EPB41: variants seen among roughly 807,000 people sequenced by gnomAD.
EPB41 encodes the protein protein 4.1.
In EPB41, 65 loss-of-function variants were observed where a neutral mutation model predicts 108.0. That is an observed-to-expected ratio of 0.60 (90% confidence interval 0.49 to 0.74). EPB41 has a LOEUF of 0.74. EPB41 is among the 30% of genes least tolerant of loss of function. The probability of loss-of-function intolerance (pLI) is 0.00; values close to 1 mark genes in which losing one functional copy is unlikely to be tolerated. For missense variants in EPB41, 875 were observed against 1,037.0 expected, an observed-to-expected ratio of 0.84 and a Z score of 2.15; for synonymous variants, 336 against 358.9, an observed-to-expected ratio of 0.94 and a Z score of 0.72.
intron 1 of EPB41, among the ~76,000 whole-genome samples, chr1:28,967,964 C>G (rs2095404018): frequency 6.6e-6 from 1 of 152,092 alleles, no homozygotes; most frequent in African/African-American, 2.4e-5. Flanking sequence ...ACCGCCACGC[C>G]TGGCAAATTT....
At chr1:28,940,729 T>G (rs909409198) in intron 1 of EPB41, among the ~76,000 whole-genome samples, 1 of 152,186 alleles carries the variant, frequency 6.6e-6, no homozygotes, top group Non-Finnish European at 1.5e-5. Flanking sequence ...CAATTATATT[T>G]AATTTTGAGG....
chr1:28,994,072 G>C (rs2149627688), intron 3 of EPB41, among the ~76,000 whole-genome samples: 1 of 152,224 alleles, frequency 6.6e-6, no homozygotes, highest in East Asian at 1.9e-4. Context: ...AAAATTTTCT[G>C]TTTTCTGAAA....
chr1:29,051,897 TAAA>T (rs10715253), intron 11 of EPB41, among the ~76,000 whole-genome samples: 8 of 144,736 alleles, frequency 5.5e-5, no homozygotes, highest in Non-Finnish European at 3.0e-5. Flanking sequence ...GACTCCATCT[TAAA>T]AAAAAAAAAA....
At chr1:28,905,841 G>A (rs1184992061) in intron 1 of EPB41, among the ~76,000 whole-genome samples, 15 of 139,936 alleles carry the variant, frequency 1.1e-4, no homozygotes, top group African/African-American at 3.2e-4. Flanking sequence ...TTTTTGAGAC[G>A]GAGTCTTGCT....
At chr1:28,945,434 C>T (rs1211649386) in intron 1 of EPB41, among the ~76,000 whole-genome samples, 1 of 152,064 alleles carries the variant, frequency 6.6e-6, no homozygotes, top group Non-Finnish European at 1.5e-5. Flanking sequence ...TTAATAATAA[C>T]TACTTGGTAT....
intron 15 of EPB41, among the ~76,000 whole-genome samples, chr1:29,061,351 G>A (rs1426101991): frequency 2.6e-5 from 4 of 151,970 alleles, no homozygotes; most frequent in African/African-American, 9.7e-5. Flanking sequence ...CTTACTGCAA[G>A]CTCCGCTTCC....
chr1:28,975,940 C>CAAAAAAAAAAAAAA (rs775554564), intron 1 of EPB41, among the ~76,000 whole-genome samples: 2 of 67,674 alleles, frequency 3.0e-5, no homozygotes, highest in African/African-American at 5.3e-5. Context: ...GACTCCATCT[C>CAAAAAAAAAAAAAA]AAAAAAAAAA....
chr1:29,042,616 T>G (rs1488826704), intron 11 of EPB41, among the ~76,000 whole-genome samples: 3 of 152,116 alleles, frequency 2.0e-5, no homozygotes, highest in Non-Finnish European at 4.4e-5. Flanking sequence ...GTAGCTGGGA[T>G]TACAGGCATG....
At chr1:29,085,847 C>T (rs1658671136) in intron 16 of EPB41, among the ~76,000 whole-genome samples, 1 of 152,192 alleles carries the variant, frequency 6.6e-6, no homozygotes, top group South Asian at 2.1e-4. Flanking sequence ...CCACCTCACC[C>T]AGCTGACTTT....
chr1:29,104,900 T>A (rs932977217), intron 17 of EPB41, among the ~76,000 whole-genome samples: 1 of 152,064 alleles, frequency 6.6e-6, no homozygotes, highest in African/African-American at 2.4e-5. Context: ...ATTTTTTAAT[T>A]TTTTGTACAC....
upstream of EPB41, chr1:28,910,930 T>A: frequency 1.0e-6 from 1 of 975,356 alleles, no homozygotes; most frequent in South Asian, 4.7e-5. Flanking sequence ...GCTTGGGGCA[T>A]AGCACAGCTG....
chr1:28,907,358 C>T (rs1299124557), intron 1 of EPB41, among the ~76,000 whole-genome samples: 2 of 149,624 alleles, frequency 1.3e-5, no homozygotes, highest in East Asian at 1.9e-4. Flanking sequence ...TGAGCCACTG[C>T]ACCCGGCCTT....
chr1:29,053,056 A>G (rs1644797456), intron 11 of EPB41, 48 bp from the exon 12 acceptor site: 18 of 1,596,954 alleles, frequency 1.1e-5, no homozygotes, highest in Non-Finnish European at 1.5e-5. Context: ...GAAATAATAC[A>G]GTAGCTCTGG....
chr1:28,958,826 A>AG (rs1303875447), intron 1 of EPB41, among the ~76,000 whole-genome samples: 1 of 151,522 alleles, frequency 6.6e-6, no homozygotes, highest in African/African-American at 2.4e-5. Flanking sequence ...CTCCAAAAAA[A>AG]AAAAAAAAAA....
intron 1 of EPB41, among the ~76,000 whole-genome samples, chr1:28,941,562 G>A (rs144619003): frequency 0.014 from 2,175 of 152,218 alleles, 26 homozygotes; most frequent in Non-Finnish European, 0.018. Context: ...TTAACAGATA[G>A]TTTTTCTGTA....
intron 16 of EPB41, among the ~76,000 whole-genome samples, chr1:29,079,722 C>G (rs560195822): frequency 5.3e-5 from 8 of 152,218 alleles, no homozygotes; most frequent in South Asian, 2.1e-4. Context: ...TGGCTGGGTG[C>G]AGTGGCTCAC....
At chr1:29,051,958 A>G (rs559605390) in intron 11 of EPB41, among the ~76,000 whole-genome samples, 6 of 152,270 alleles carry the variant, frequency 3.9e-5, no homozygotes, top group African/African-American at 1.4e-4. Context: ...GAAATACTAA[A>G]TCATGCACAA....
chr1:28,980,368 A>G (rs1186192824), intron 1 of EPB41, among the ~76,000 whole-genome samples: 1 of 151,958 alleles, frequency 6.6e-6, no homozygotes, highest in Non-Finnish European at 1.5e-5. Context: ...TACATTTAAA[A>G]AATTTAAAAA....
intron 1 of EPB41, among the ~76,000 whole-genome samples, chr1:28,931,370 A>G (rs1337386828): frequency 7.4e-6 from 1 of 135,836 alleles, no homozygotes; most frequent in Non-Finnish European, 1.5e-5. Flanking sequence ...AGACTCTGTC[A>G]TTAAAAAAAA....
Sources: allele counts gnomAD v4.1 joint callset (sites outside exome capture counted in the v4.1 genomes callset), GRCh38; gene constraint gnomAD v4.1.1; transcripts MANE v1.5; gene names NCBI Gene and HGNC (gene_info 2026-07-23, HGNC 2026-07-21).